PDCD6: variants seen among roughly 807,000 people sequenced by gnomAD.
PDCD6 encodes programmed cell death 6.
A neutral mutation model predicts 28.3 loss-of-function variants in PDCD6; 12 were observed. The ratio of observed to expected loss-of-function variants is 0.42; its 90% CI spans 0.27 to 0.69. PDCD6 has a LOEUF of 0.69. Ranked by LOEUF, PDCD6 falls within the 30% of genes least tolerant of loss-of-function variation. The probability of loss-of-function intolerance (pLI) is 0.22; values close to 1 mark genes in which losing one functional copy is unlikely to be tolerated. For synonymous variants in PDCD6, 92 were observed against 108.0 expected, an observed-to-expected ratio of 0.85 and a Z score of 0.92; for missense variants, 226 against 269.9, an observed-to-expected ratio of 0.84 and a Z score of 1.14.
intron 2 of PDCD6, among the ~76,000 whole-genome samples, chr5:291,364 C>T (rs1197616741): frequency 6.6e-6 from 1 of 152,144 alleles, no homozygotes; most frequent in Non-Finnish European, 1.5e-5. Context: ...TTTCTGTCCT[C>T]CATTCTCTCC....
At chr5:290,576 T>C (rs1364171961) in intron 2 of PDCD6, among the ~76,000 whole-genome samples, 1 of 152,226 alleles carries the variant, frequency 6.6e-6, no homozygotes, top group Non-Finnish European at 1.5e-5. Context: ...AAGTTATTTC[T>C]TGGAGAAGCA....
chr5:302,070 C>CTGTGTG lies in PDCD6; in HGVS notation c.164-2074_164-2069dup, dbSNP rs369323059. Among the ~76,000 whole-genome samples the CTGTGTG allele has an allele frequency of 6.1e-3, 355 of 57,746 alleles. 29 individuals carry two copies. The highest frequency in any genetic ancestry group is 0.019 in the East Asian group (31 of 1,598). 37.9% of individuals were successfully genotyped at this position (57,746 alleles called of 152,430 possible). A position where few individuals can be genotyped will look rare whatever the true frequency, so the allele number is the denominator to read the frequency against. ...GGAGGGCGGATCATTGAGTGCTGCT[C>CTGTGTG]TGTGTGTGTGTGTGTGTGTGTGTGT... On this transcript the variant is annotated intron_variant, in intron 2 of 5. Transcript: ENST00000264933.
intron 2 of PDCD6, among the ~76,000 whole-genome samples, chr5:299,338 T>A (rs1313872423): frequency 1.5e-4 from 9 of 59,146 alleles, no homozygotes; most frequent in African/African-American, 6.4e-4. Flanking sequence ...TCCCCAGTCC[T>A]GCACTGCAGC....
At chr5:299,777 C>T (rs1306560830) in intron 2 of PDCD6, among the ~76,000 whole-genome samples, 1 of 152,182 alleles carries the variant, frequency 6.6e-6, no homozygotes, top group African/African-American at 2.4e-5. Flanking sequence ...TCTCGATCTC[C>T]TCACCTGGTG....
At chr5:285,645 G>C (rs1161784901) in intron 2 of PDCD6, among the ~76,000 whole-genome samples, 2 of 151,684 alleles carry the variant, frequency 1.3e-5, no homozygotes, top group Admixed American at 6.6e-5. Context: ...GGTTGGTGCA[G>C]CTGGCGACCC....
chr5:273,821 A>G (rs1174571828), intron 2 of PDCD6, among the ~76,000 whole-genome samples: 1 of 152,052 alleles, frequency 6.6e-6, no homozygotes, highest in Non-Finnish European at 1.5e-5. Context: ...ATGCTGGTGT[A>G]TTATTTCACA....
intron 2 of PDCD6, chr5:276,358 G>A (rs964191290): frequency 1.7e-5 from 18 of 1,039,562 alleles, no homozygotes; most frequent in African/African-American, 1.2e-4. Context: ...TCACTACTAG[G>A]TTGTGAGCTG....
intron 2 of PDCD6, chr5:277,040 G>A (rs1293920838): frequency 1.5e-6 from 1 of 674,220 alleles, no homozygotes; most frequent in East Asian, 1.3e-4. Flanking sequence ...AAGTAGGTTT[G>A]CCTTAATATA....
At chr5:308,045 G>A (rs1740640368) in intron 4 of PDCD6, among the ~76,000 whole-genome samples, 1 of 152,208 alleles carries the variant, frequency 6.6e-6, no homozygotes, top group Non-Finnish European at 1.5e-5. Flanking sequence ...CCTGGGGCAG[G>A]TACGGAAGGG....
chr5:298,915 C>A (rs1431653150), intron 2 of PDCD6, among the ~76,000 whole-genome samples: 1 of 57,284 alleles, frequency 1.7e-5, no homozygotes, highest in African/African-American at 7.6e-5. Context: ...CAGCTGTTCC[C>A]CCCAGCTGCT....
chr5:272,074 C>T (rs1222258037), intron 1 of PDCD6, among the ~76,000 whole-genome samples: 1 of 150,600 alleles, frequency 6.6e-6, no homozygotes, highest in Non-Finnish European at 1.5e-5. Context: ...CTGGGGCCGC[C>T]CCTGCCTCCT....
chr5:279,110 C>A (rs1214080835), intron 2 of PDCD6, among the ~76,000 whole-genome samples: 5 of 152,142 alleles, frequency 3.3e-5, no homozygotes. Context: ...CTCAGGCAAA[C>A]CCGCTGGTGA....
At chr5:290,048 C>T (rs1739224189) in intron 2 of PDCD6, 2 of 1,588,290 alleles carry the variant, frequency 1.3e-6, no homozygotes, top group South Asian at 1.1e-5. Context: ...CTGTTAAATC[C>T]AGTGACAATT....
chr5:301,530 T>C (rs1297200092), intron 2 of PDCD6, among the ~76,000 whole-genome samples: 1 of 152,274 alleles, frequency 6.6e-6, no homozygotes, highest in Non-Finnish European at 1.5e-5. Flanking sequence ...TTGTAAAGCC[T>C]ACAGAAAGGT....
chr5:311,528 G>A (rs1740915984), intron 5 of PDCD6, 126 bp downstream of exon 5: 1 of 657,138 alleles, frequency 1.5e-6, no homozygotes, highest in Non-Finnish European at 2.7e-6. Context: ...GCTTATAAAA[G>A]TGAGTCTCAT....
intron 2 of PDCD6, among the ~76,000 whole-genome samples, chr5:282,753 A>G (rs1457018917): frequency 1.7e-4 from 22 of 130,332 alleles, no homozygotes; most frequent in East Asian, 4.8e-4. Context: ...ACCTGGAGAG[A>G]AGCTGATGTT....
At chr5:310,087 C>T (rs1265151103) in intron 4 of PDCD6, 1 of 232,702 alleles carries the variant, frequency 4.3e-6, no homozygotes, top group African/African-American at 2.4e-5. Flanking sequence ...GTGGGCCTGT[C>T]CCAGGCTCTG....
chr5:314,239 G>A (rs181465875), intron 5 of PDCD6, among the ~76,000 whole-genome samples, 178 bp from the exon 6 acceptor site: 16 of 152,260 alleles, frequency 1.1e-4, no homozygotes, highest in Admixed American at 6.5e-4. Flanking sequence ...TTCGTTCTTC[G>A]CACTCCCACC....
At chr5:291,903 G>A (rs1250125659) in intron 2 of PDCD6, among the ~76,000 whole-genome samples, 2 of 152,234 alleles carry the variant, frequency 1.3e-5, no homozygotes, top group Admixed American at 1.3e-4. Flanking sequence ...CTTCTGGTCA[G>A]TAGCTTTCAA....
Sources: allele counts gnomAD v4.1 joint callset (sites outside exome capture counted in the v4.1 genomes callset), GRCh38; gene constraint gnomAD v4.1.1; transcripts MANE v1.5; gene names NCBI Gene and HGNC (gene_info 2026-07-23, HGNC 2026-07-21).